Variants in HTR4 observed in about 807,000 individuals in gnomAD.
The protein encoded by HTR4 is 5-hydroxytryptamine (serotonin) receptor 4, G protein-coupled.
In HTR4, 16 loss-of-function variants were observed where a neutral mutation model predicts 36.8. The ratio of observed to expected loss-of-function variants is 0.43; its 90% CI spans 0.29 to 0.66. The LOEUF is 0.66. Among genes scored for constraint, HTR4 ranks in the 30% least tolerant of loss-of-function variants. The pLI is 0.13. For missense variants in HTR4, 438 were observed against 490.9 expected, an observed-to-expected ratio of 0.89 and a Z score of 1.02; for synonymous variants, 189 against 185.1, an observed-to-expected ratio of 1.02 and a Z score of -0.17.
rs377594379 is a variant in HTR4 at position 148,467,746 on chromosome 5, TTGCATTTTTC to T, written c.1077-16484_1077-16475del. Reference sequence around the variant, plus strand: ...TAGTTTTCCTGAGACCTCTGGCTGTTTGCATTTTTCACTGGCTCGAATGACCATGTAAAAC... The same window carrying T: ...TAGTTTTCCTGAGACCTCTGGCTGTTACTGGCTCGAATGACCATGTAAAAC... On this transcript the variant is annotated intron_variant, in intron 5 of 5. Transcript: ENST00000521530. Among the ~76,000 whole-genome samples the T allele has an allele frequency of 4.4e-4, 67 of 152,380 alleles. No individual in the cohort carries two copies. In the East Asian group the frequency reaches 0.013, roughly 29 times the overall value.
intron 2 of HTR4, among the ~76,000 whole-genome samples, chr5:148,553,362 A>T (rs1037679354): frequency 1.3e-5 from 2 of 152,238 alleles, no homozygotes; most frequent in African/African-American, 2.4e-5. Context: ...AACTTTAAGC[A>T]GTGGTTCCCA....
intron 1 of HTR4, among the ~76,000 whole-genome samples, chr5:148,644,422 G>GTTTTTTTTTTTTTT (rs1175588280): frequency 9.8e-5 from 4 of 40,618 alleles, no homozygotes; most frequent in African/African-American, 4.2e-4. Flanking sequence ...AAGCTCACAA[G>GTTTTTTTTTTTTTT]TTTTTTTTTT....
chr5:148,500,687 A>T (rs981268921), intron 6 of HTR4, among the ~76,000 whole-genome samples: 1 of 152,094 alleles, frequency 6.6e-6, no homozygotes, highest in African/African-American at 2.4e-5. Flanking sequence ...AGTTGTCACA[A>T]AAAGGGCCAA....
At chr5:148,625,396 T>C (rs1224881824) in intron 2 of HTR4, among the ~76,000 whole-genome samples, 2 of 152,212 alleles carry the variant, frequency 1.3e-5, no homozygotes, top group Non-Finnish European at 2.9e-5. Flanking sequence ...GATAGAAGCA[T>C]GTCAAAATTA....
chr5:148,530,131 G>T (rs1758487061), intron 4 of HTR4, among the ~76,000 whole-genome samples: 1 of 152,188 alleles, frequency 6.6e-6, no homozygotes, highest in South Asian at 2.1e-4. Flanking sequence ...TGGAAAATTT[G>T]CAGCCTGACA....
At chr5:148,591,998 T>G (rs753839306) in intron 2 of HTR4, among the ~76,000 whole-genome samples, 2 of 152,130 alleles carry the variant, frequency 1.3e-5, no homozygotes, top group Non-Finnish European at 2.9e-5. Context: ...ATGTCATCAA[T>G]GGCAGATTAG....
At chr5:148,480,992 T>C (rs1252759013), downstream of HTR4, among the ~76,000 whole-genome samples, 1 of 152,312 alleles carries the variant, frequency 6.6e-6, no homozygotes, top group East Asian at 1.9e-4. Context: ...GTCTGAGACA[T>C]TCAGGAATTA....
At chr5:148,458,172 T>C (rs1755170518) in intron 5 of HTR4, among the ~76,000 whole-genome samples, 2 of 145,956 alleles carry the variant, frequency 1.4e-5, no homozygotes, top group Non-Finnish European at 3.0e-5. Context: ...ATATATTATA[T>C]TTTAATATCT....
intron 2 of HTR4, among the ~76,000 whole-genome samples, chr5:148,576,114 A>AAAAAAAAAC (rs1760893501): frequency 1.5e-5 from 2 of 134,174 alleles, no homozygotes; most frequent in Non-Finnish European, 3.3e-5. Flanking sequence ...CCGTCTCAAA[A>AAAAAAAAAC]AAAAAAAAAA....
chr5:148,526,481 G>A (rs533027170), intron 4 of HTR4, among the ~76,000 whole-genome samples: 35 of 152,058 alleles, frequency 2.3e-4, no homozygotes, highest in Non-Finnish European at 4.0e-4. Context: ...ATGAGGTGCC[G>A]AGATGTTGCC....
downstream of HTR4, among the ~76,000 whole-genome samples, chr5:148,480,280 T>C (rs1397794551): frequency 6.6e-6 from 1 of 152,240 alleles, no homozygotes; most frequent in African/African-American, 2.4e-5. Context: ...CTGTGATTCA[T>C]AAATTCGTGT....
At chr5:148,484,328 AG>A (rs1447268589) in intron 6 of HTR4, 2 of 1,613,596 alleles carry the variant, frequency 1.2e-6, no homozygotes, top group South Asian at 1.1e-5. Flanking sequence ...CCGCTCTGGC[AG>A]GCTTTGTCCA....
chr5:148,513,040 C>G lies in HTR4; in HGVS notation c.508-3016G>C, dbSNP rs116114107. Among the ~76,000 whole-genome samples the G allele has an allele frequency of 8.2e-3, 1,252 of 151,896 alleles. 14 individuals are homozygous for G. Among genetic ancestry groups the G allele is most frequent in the African/African-American group, 0.029 (1,204 of 41,414 alleles). On this transcript the variant is annotated intron_variant, in intron 5 of 6. Coordinates refer to ENST00000377888, the MANE Select transcript of HTR4 (RefSeq NM_000870.7). ...TTTTACAGGGTCATGCTCTGTCACC[C>G]AGGCTGGAGTGCAGTTGTGCTCACT...
chr5:148,474,451 C>A (rs932741950), downstream of HTR4, among the ~76,000 whole-genome samples: 11 of 152,056 alleles, frequency 7.2e-5, no homozygotes, highest in Admixed American at 7.2e-4. Flanking sequence ...CATGCTAATT[C>A]AGGGAATGAA....
chr5:148,481,262 C>T (rs547691326), downstream of HTR4, among the ~76,000 whole-genome samples: 2 of 152,314 alleles, frequency 1.3e-5, no homozygotes, highest in African/African-American at 4.8e-5. Context: ...GGAACAATGA[C>T]TTGAAAAATC....
rs78548247 is a variant in HTR4, at chr5:148,587,213, T to A, written c.27-36951A>T. ...GTAAATGACCCAGGGCTAATTTTGT[T>A]GCATGGAGGACAATATCTTGAAGAT... is the stretch of plus-strand genomic sequence containing the variant. On this transcript the variant is annotated intron_variant, in intron 2 of 6. Coordinates refer to ENST00000377888, the MANE Select transcript of HTR4 (RefSeq NM_000870.7). Among the ~76,000 whole-genome samples, 309 of 152,338 alleles carry A rather than the reference T, an allele frequency of 2.0e-3. 7 individuals carry two copies. In the East Asian group the frequency reaches 0.034, roughly 17 times the overall value.
At chr5:148,598,686 A>G (rs2127266209) in intron 2 of HTR4, among the ~76,000 whole-genome samples, 1 of 152,360 alleles carries the variant, frequency 6.6e-6, no homozygotes, top group Middle Eastern at 3.4e-3. Context: ...TAGGTACTAA[A>G]TAAATATTTA....
intron 4 of HTR4, among the ~76,000 whole-genome samples, chr5:148,538,438 T>G (rs971419422): frequency 1.1e-4 from 16 of 152,112 alleles, no homozygotes; most frequent in African/African-American, 3.9e-4. Context: ...CAACTATGCT[T>G]TTTTTTGAAG....
intron 6 of HTR4, among the ~76,000 whole-genome samples, chr5:148,491,189 G>A (rs1202832921): frequency 6.6e-6 from 1 of 152,124 alleles, no homozygotes; most frequent in Admixed American, 6.5e-5. Flanking sequence ...AGTACATGCT[G>A]TAAGAGAACA....
Sources: gnomAD v4.1 joint callset for allele counts (sites outside exome capture counted in the v4.1 genomes callset) on GRCh38, gnomAD v4.1.1 for gene constraint, MANE v1.5 for transcripts, NCBI Gene and HGNC (gene_info 2026-07-23, HGNC 2026-07-21) for gene names.